CLEC16A: variants seen among roughly 807,000 people sequenced by gnomAD.
CLEC16A encodes protein CLEC16A.
Under a neutral mutation model 109.5 loss-of-function variants are expected in CLEC16A, and 51 were observed. The ratio of observed to expected loss-of-function variants is 0.47; its 90% CI spans 0.37 to 0.59. CLEC16A has a LOEUF of 0.59. Ranked by LOEUF, CLEC16A falls within the 20% of genes least tolerant of loss-of-function variation. CLEC16A has a pLI of 0.00. For missense variants in CLEC16A, 1,339 were observed against 1,394.0 expected, an observed-to-expected ratio of 0.96 and a Z score of 0.63; for synonymous variants, 673 against 564.2, an observed-to-expected ratio of 1.19 and a Z score of -2.73.
At chr16:11,118,768 G>C (rs1186652138) in intron 19 of CLEC16A, among the ~76,000 whole-genome samples, 1 of 152,042 alleles carries the variant, frequency 6.6e-6, no homozygotes, top group Non-Finnish European at 1.5e-5. Flanking sequence ...TTATAGTTCT[G>C]GGTCTTACAT....
At chr16:11,074,458 G>A (rs1312642430) in intron 19 of CLEC16A, among the ~76,000 whole-genome samples, 1 of 152,200 alleles carries the variant, frequency 6.6e-6, no homozygotes, top group Non-Finnish European at 1.5e-5. Context: ...AAATTTTTAA[G>A]TAAATCCAAT....
rs118046105 is a variant in CLEC16A, at chr16:11,067,798, C to T, written c.2116+6776C>T. ...CACAAGCTGGCATCCACACCAGGCT[C>T]GGACAGTCTGGTTTGCCCCAGAGAC... On this transcript the variant is annotated intron_variant, in intron 19 of 23. Coordinates refer to ENST00000409790, the MANE Select transcript of CLEC16A (RefSeq NM_015226.3). Among the ~76,000 whole-genome samples, 154 of 152,270 alleles carry T rather than the reference C, an allele frequency of 1.0e-3. 1 individual carries two copies. In the East Asian group the frequency reaches 0.027, roughly 26 times the overall value.
At chr16:11,070,369 CTT>C (rs770922338) in intron 19 of CLEC16A, among the ~76,000 whole-genome samples, 27 of 142,362 alleles carry the variant, frequency 1.9e-4, no homozygotes, top group Middle Eastern at 3.6e-3. Flanking sequence ...TGCACCCGGC[CTT>C]TTTTTTTTTT....
At chr16:11,105,533 C>T (rs2051165172) in intron 19 of CLEC16A, among the ~76,000 whole-genome samples, 1 of 152,220 alleles carries the variant, frequency 6.6e-6, no homozygotes, top group South Asian at 2.1e-4. Context: ...AACTGGTTTT[C>T]CTGGCCACTG....
In CLEC16A at chr16:10,962,371, C is replaced by G. The variant is rs1165670845; in HGVS notation, c.210-84C>G. 1.9e-6 allele frequency: 3 copies of G among 1,550,040 alleles called. No individual in the cohort carries two copies. The East Asian group carries it at 6.7e-5, about 35-fold the overall frequency. ...TTGGGGGAGAGGGGTGAATCTAATA[C>G]TTGTGTTGTGAATGAAACCAGATAA... On this transcript the variant is annotated intron_variant, in intron 2 of 23. Transcript: ENST00000409790.
intron 23 of CLEC16A, among the ~76,000 whole-genome samples, chr16:11,176,111 G>C (rs756008462): frequency 6.6e-6 from 1 of 152,266 alleles, no homozygotes; most frequent in East Asian, 1.9e-4. Flanking sequence ...GAGGCCACCA[G>C]AGCAGGTGAG....
In CLEC16A at chr16:10,977,895, T is replaced by G. The variant is rs987351368; in HGVS notation, c.903+496T>G. On this transcript the variant is annotated intron_variant, in intron 8 of 23. Transcript: ENST00000409790. ...TATTTCCTGAGACAGAGACAGAGTGTGTGTGTGTGAGAAGACTATAAAAGT... is the reference window on the plus strand; with the variant it reads ...TATTTCCTGAGACAGAGACAGAGTGGGTGTGTGTGAGAAGACTATAAAAGT... 3.3e-5 allele frequency among the ~76,000 whole-genome samples: 5 copies of G among 152,136 alleles called. No individual in the cohort carries two copies. In the East Asian group the frequency reaches 7.7e-4, roughly 24 times the overall value.
At chr16:11,146,292 A>G (rs760311474) in intron 22 of CLEC16A, among the ~76,000 whole-genome samples, 3 of 152,240 alleles carry the variant, frequency 2.0e-5, no homozygotes, top group Middle Eastern at 3.4e-3. Context: ...CCATCCCATT[A>G]TCAAACTGTA....
At chr16:10,948,115 G>C (rs145853087) in intron 1 of CLEC16A, among the ~76,000 whole-genome samples, 2,627 of 152,202 alleles carry the variant, frequency 0.017, 67 homozygotes, top group African/African-American at 0.059. Context: ...GGATGGTCTC[G>C]ATCTCCTGAC....
At chr16:11,103,980 A>G (rs2051071845) in intron 19 of CLEC16A, among the ~76,000 whole-genome samples, 1 of 152,158 alleles carries the variant, frequency 6.6e-6, no homozygotes, top group Admixed American at 6.5e-5. Flanking sequence ...GCTCAGATCC[A>G]TTTGACCAGA....
chr16:11,023,720 T>A (rs2046252901), intron 12 of CLEC16A, among the ~76,000 whole-genome samples: 1 of 152,178 alleles, frequency 6.6e-6, no homozygotes, highest in South Asian at 2.1e-4. Flanking sequence ...TCCCTGTTTC[T>A]CCCCAGTCCC....
At chr16:10,979,845 A>G (rs935353230) in intron 9 of CLEC16A, among the ~76,000 whole-genome samples, 15 of 152,148 alleles carry the variant, frequency 9.9e-5, no homozygotes, top group Non-Finnish European at 1.5e-5. Flanking sequence ...TAGTTCCCAG[A>G]TTACCGTGTG....
At chr16:10,956,143 A>G (rs991883873) in intron 1 of CLEC16A, among the ~76,000 whole-genome samples, 1 of 152,226 alleles carries the variant, frequency 6.6e-6, no homozygotes, top group African/African-American at 2.4e-5. Context: ...GCCTTTTGGT[A>G]GATTTGGGTA....
At chr16:10,996,153 C>G (rs981163626) in intron 10 of CLEC16A, among the ~76,000 whole-genome samples, 16 of 152,208 alleles carry the variant, frequency 1.1e-4, no homozygotes, top group African/African-American at 3.6e-4. Flanking sequence ...TGAATAGATG[C>G]TGAGAAACCC....
chr16:11,178,729 T>C lies in CLEC16A; in HGVS notation c.*39T>C, dbSNP rs762392210. On this transcript the variant is annotated 3_prime_UTR_variant, in exon 24 of 24. Coordinates refer to ENST00000409790, the MANE Select transcript of CLEC16A (RefSeq NM_015226.3). This position sits in a 1 kb window ranked among gnomAD's most constrained non-coding sequence, Gnocchi z 6.5. ...CCTCCCTTTGTGTGTGTGGCCCCGC[T>C]GGTAGGGACCCCAGTGCCGCTGACT... 4.1e-5 allele frequency: 57 copies of C among 1,395,234 alleles called. No individual in the cohort carries two copies. In the African/African-American group the frequency reaches 7.5e-4, roughly 18 times the overall value. The allele number at this position is 1,395,234 out of a possible 1,614,324, so 86.4% of individuals were successfully genotyped here.
intron 1 of CLEC16A, among the ~76,000 whole-genome samples, chr16:10,946,658 G>T (rs2041392840): frequency 6.6e-6 from 1 of 152,144 alleles, no homozygotes; most frequent in Admixed American, 6.5e-5. Context: ...GGTACCTCCA[G>T]GTTCTCACCT....
rs2068875849 is a variant in CLEC16A, at chr16:11,178,981, C to T, written c.*291C>T. On this transcript the variant is annotated 3_prime_UTR_variant, in exon 24 of 24. Transcript: ENST00000409790. The surrounding 1 kb of genome is among the most constrained non-coding windows in gnomAD (Gnocchi z 6.5). ...CTGCCTGGGCTCCGTGTCTCTGAGC[C>T]CCGGGTGGCAGGACCCACCGGCACC... The T allele has an allele frequency of 2.7e-6, 1 of 370,980 alleles. No homozygotes were observed. 23.0% of individuals were successfully genotyped at this position (370,980 alleles called of 1,614,324 possible). A position where few individuals can be genotyped will look rare whatever the true frequency, so the allele number is the denominator to read the frequency against.
In CLEC16A at chr16:10,954,912, A is replaced by G. The variant is rs1025717023; in HGVS notation, c.81-2870A>G. On this transcript the variant is annotated intron_variant, in intron 1 of 23. Transcript: ENST00000409790. This position sits in a 1 kb window ranked among gnomAD's most constrained non-coding sequence, Gnocchi z 4.2. Reference sequence around the variant, plus strand: ...AATGTGAATAACGGCCCCCACCACAATGACCATAATCTAATCACCATGGCA... The same window carrying G: ...AATGTGAATAACGGCCCCCACCACAGTGACCATAATCTAATCACCATGGCA... Among the ~76,000 whole-genome samples the G allele has an allele frequency of 6.6e-6, 1 of 152,164 alleles. No homozygotes were observed. Among genetic ancestry groups the G allele is most frequent in the African/African-American group, 2.4e-5 (1 of 41,416 alleles).
intron 22 of CLEC16A, among the ~76,000 whole-genome samples, chr16:11,143,401 G>T (rs1190437873): frequency 1.3e-5 from 2 of 152,112 alleles, no homozygotes; most frequent in East Asian, 1.9e-4. Flanking sequence ...GAGACATAGG[G>T]TTCATCAAGG....
Sources: gnomAD v4.1 joint callset for allele counts (sites outside exome capture counted in the v4.1 genomes callset) on GRCh38, gnomAD v4.1.1 for gene constraint, Gnocchi (gnomAD v3.1) non-coding constraint, MANE v1.5 for transcripts, NCBI Gene and HGNC (gene_info 2026-07-23, HGNC 2026-07-21) for gene names.